PRKCB: variants seen among roughly 807,000 people sequenced by gnomAD.
The protein encoded by PRKCB is protein kinase C beta type.
A neutral mutation model predicts 81.5 loss-of-function variants in PRKCB; 13 were observed. The observed-to-expected ratio is 0.16, with a 90% CI of 0.10 to 0.25. The LOEUF is 0.25. PRKCB is among the 10% of genes least tolerant of loss of function. The pLI is 1.00. For missense variants in PRKCB, 509 were observed against 875.7 expected, an observed-to-expected ratio of 0.58 and a Z score of 5.29; for synonymous variants, 335 against 321.4, an observed-to-expected ratio of 1.04 and a Z score of -0.45.
At chr16:24,177,319 A>T (rs1443429131) in intron 12 of PRKCB, among the ~76,000 whole-genome samples, 1 of 152,202 alleles carries the variant, frequency 6.6e-6, no homozygotes, top group African/African-American at 2.4e-5. Context: ...TGCTAAGATG[A>T]TACCTATTCC....
chr16:23,963,043 A>G (rs1329604669), intron 2 of PRKCB: 1 of 152,218 alleles, frequency 6.6e-6, no homozygotes, highest in African/African-American at 2.4e-5. Flanking sequence ...ATGGCCTCCA[A>G]CTTCATCCAA....
At chr16:23,967,295 C>T (rs1346980851) in intron 2 of PRKCB, among the ~76,000 whole-genome samples, 1 of 152,214 alleles carries the variant, frequency 6.6e-6, no homozygotes, top group African/African-American at 2.4e-5. Flanking sequence ...GTGGCCTTGG[C>T]TGGGTTCCCA....
chr16:23,991,460 T>C (rs1405502685), intron 3 of PRKCB, among the ~76,000 whole-genome samples: 1 of 152,214 alleles, frequency 6.6e-6, no homozygotes, highest in African/African-American at 2.4e-5. Flanking sequence ...AGTATGCAGC[T>C]CTGAGTGTTC....
chr16:23,953,025 A>C (rs1964303134), intron 2 of PRKCB, among the ~76,000 whole-genome samples: 1 of 152,160 alleles, frequency 6.6e-6, no homozygotes, highest in East Asian at 1.9e-4. Flanking sequence ...TCCCACATGC[A>C]GGGTGCTTCC....
Position 24,215,164 on chromosome 16 carries a change from C to G in PRKCB, c.*348C>G. 1 of 1,048,510 alleles carries G rather than the reference C, an allele frequency of 9.5e-7. No homozygotes were observed. Among genetic ancestry groups the G allele is most frequent in the Non-Finnish European group, 1.2e-6 (1 of 867,504 alleles). The allele number at this position is 1,048,510 out of a possible 1,614,324, so 65.0% of individuals were successfully genotyped here. On this transcript the variant is annotated 3_prime_UTR_variant, in exon 17 of 17. Coordinates refer to ENST00000643927, the MANE Select transcript of PRKCB (RefSeq NM_002738.7). ...ACTGCCATATTCACCCCCAACCATC[C>G]AATCTGTGGATAATTGGATGTTAGC... is the stretch of plus-strand genomic sequence containing the variant.
At chr16:23,938,708 A>G (rs1964096240) in intron 2 of PRKCB, among the ~76,000 whole-genome samples, 1 of 152,246 alleles carries the variant, frequency 6.6e-6, no homozygotes, top group South Asian at 2.1e-4. Flanking sequence ...AGACAGTCAG[A>G]AAACATGCTG....
chr16:24,090,071 G>A (rs1257063503), intron 5 of PRKCB, among the ~76,000 whole-genome samples: 1 of 152,058 alleles, frequency 6.6e-6, no homozygotes, highest in African/African-American at 2.4e-5. Flanking sequence ...GGTCTGTCTT[G>A]GGGACAAGAT....
intron 2 of PRKCB, among the ~76,000 whole-genome samples, chr16:23,843,274 G>T (rs1962297744): frequency 6.6e-6 from 1 of 152,072 alleles, no homozygotes; most frequent in Non-Finnish European, 1.5e-5. Flanking sequence ...TGCAAGTTTA[G>T]AGGTTACTTC....
intron 2 of PRKCB, among the ~76,000 whole-genome samples, chr16:23,965,841 G>T (rs957016665): frequency 2.6e-5 from 4 of 152,218 alleles, no homozygotes; most frequent in Non-Finnish European, 5.9e-5. Flanking sequence ...GCCAGCTTCA[G>T]CTGCTTTGTG....
rs1968292239 is a variant in PRKCB at position 24,219,696 on chromosome 16, ACACAC to A, written c.*4881_*4885del. 7.0e-6 allele frequency: 9 copies of A among 1,291,768 alleles called. No individual in the cohort carries two copies. In the South Asian group the frequency reaches 1.6e-4, roughly 23 times the overall value. The allele number at this position is 1,291,768 out of a possible 1,614,324, so 80.0% of individuals were successfully genotyped here. A position where few individuals can be genotyped will look rare whatever the true frequency, so the allele number is the denominator to read the frequency against. On this transcript the variant is annotated 3_prime_UTR_variant, in exon 17 of 17. Transcript: ENST00000643927. ...CACACACACACACACACACACACAC[ACACAC>A]ACCACTTTATGGCAATTCTTAACTG...
chr16:24,200,604 A>C (rs1405864102), intron 16 of PRKCB, among the ~76,000 whole-genome samples: 1 of 152,230 alleles, frequency 6.6e-6, no homozygotes, highest in African/African-American at 2.4e-5. Flanking sequence ...AGGGGCTTGC[A>C]TCTGGTGAGA....
chr16:24,216,568 T>G lies in PRKCB; in HGVS notation c.*1752T>G, dbSNP rs113823327. 3.0e-6 allele frequency: 3 copies of G among 985,328 alleles called. No homozygotes were observed. The highest frequency in any genetic ancestry group is 1.7e-5 in the African/African-American group (1 of 57,254). 61.0% of individuals were successfully genotyped at this position (985,328 alleles called of 1,614,324 possible). On this transcript the variant is annotated 3_prime_UTR_variant, in exon 17 of 17. Coordinates refer to ENST00000643927, the MANE Select transcript of PRKCB (RefSeq NM_002738.7). ...ACTTTAACAACTTGACAAATGTCCTTGAAGTAAGATGCCTCATCTTTAGGG... is the reference window on the plus strand; with the variant it reads ...ACTTTAACAACTTGACAAATGTCCTGGAAGTAAGATGCCTCATCTTTAGGG...
chr16:23,994,898 CT>C (rs1409757093), intron 3 of PRKCB, among the ~76,000 whole-genome samples: 2 of 152,150 alleles, frequency 1.3e-5, no homozygotes, highest in Non-Finnish European at 2.9e-5. Context: ...TTGCAGGGAT[CT>C]TGATCATTTT....
At chr16:24,014,373 A>G (rs1596511841) in intron 3 of PRKCB, among the ~76,000 whole-genome samples, 2 of 152,028 alleles carry the variant, frequency 1.3e-5, no homozygotes, top group Admixed American at 6.6e-5. Context: ...CCCTGAAACT[A>G]CTGTACACCC....
At chr16:23,958,484 T>C (rs1202609719) in intron 2 of PRKCB, among the ~76,000 whole-genome samples, 4 of 151,644 alleles carry the variant, frequency 2.6e-5, no homozygotes, top group Non-Finnish European at 5.9e-5. Context: ...TTTGCATTTT[T>C]AGTAGAGATG....
At chr16:24,041,770 A>G (rs1965700703) in intron 5 of PRKCB, among the ~76,000 whole-genome samples, 1 of 152,098 alleles carries the variant, frequency 6.6e-6, no homozygotes, top group South Asian at 2.1e-4. Flanking sequence ...AGGCGGCTGT[A>G]TCACCTACAG....
At chr16:23,913,651 G>A (rs1963695072) in intron 2 of PRKCB, among the ~76,000 whole-genome samples, 1 of 152,178 alleles carries the variant, frequency 6.6e-6, no homozygotes, top group African/African-American at 2.4e-5. Flanking sequence ...TCTTAGGAGA[G>A]GGGAAAAAAT....
chr16:23,943,834 C>T (rs1463804188), intron 2 of PRKCB, among the ~76,000 whole-genome samples: 1 of 152,262 alleles, frequency 6.6e-6, no homozygotes, highest in Non-Finnish European at 1.5e-5. Flanking sequence ...ATGTGTCAGG[C>T]CTGTTCTAGG....
chr16:23,971,383 C>T (rs988694704), intron 2 of PRKCB, among the ~76,000 whole-genome samples: 2 of 152,170 alleles, frequency 1.3e-5, no homozygotes, highest in East Asian at 1.9e-4. Flanking sequence ...CCTTTGAGGA[C>T]GGATGGTGTG....
Sources: gnomAD v4.1 joint callset for allele counts (sites outside exome capture counted in the v4.1 genomes callset) on GRCh38, gnomAD v4.1.1 for gene constraint, MANE v1.5 for transcripts, NCBI Gene and HGNC (gene_info 2026-07-23, HGNC 2026-07-21) for gene names.